Variants in ZNF385D observed in about 807,000 individuals in gnomAD.
ZNF385D encodes zinc finger protein 385D.
Under a neutral mutation model 35.8 loss-of-function variants are expected in ZNF385D, and 15 were observed. The observed-to-expected ratio is 0.42, with a 90% confidence interval of 0.28 to 0.64. The LOEUF (loss-of-function observed/expected upper bound fraction) is 0.64. ZNF385D is among the 30% of genes least tolerant of loss of function. ZNF385D has a pLI of 0.23. For synonymous variants in ZNF385D, 212 were observed against 186.8 expected (o/e 1.13, Z -1.10); for missense variants, 474 against 494.6 (o/e 0.96, Z 0.39).
At chr3:22,286,913 A>G (rs1702053984) in intron 2 of ZNF385D, among the ~76,000 whole-genome samples, 1 of 152,102 alleles carries the variant, frequency 6.6e-6, no homozygotes, top group Admixed American at 6.6e-5. Flanking sequence ...GTGTAGTCCA[A>G]GTTCAGTGTT....
chr3:21,545,257 A>C (rs186364608), intron 3 of ZNF385D, among the ~76,000 whole-genome samples: 89 of 152,320 alleles, frequency 5.8e-4, no homozygotes, highest in African/African-American at 2.1e-3. Context: ...GTGCTCTCAA[A>C]TACAGACTTG....
rs181920543 is a variant in ZNF385D, at chr3:22,300,908, C to T, written c.106+71542G>A. Among the ~76,000 whole-genome samples the T allele has an allele frequency of 1.2e-4, 18 of 152,048 alleles. 1 individual carries two copies. The highest frequency in any genetic ancestry group is 3.4e-3 in the Middle Eastern group (1 of 292). Reference sequence around the variant, plus strand: ...CTCAAAAAATTAAACATAGAACTACCATATGCTCCTCCAATACTACTACTG... The same window carrying T: ...CTCAAAAAATTAAACATAGAACTACTATATGCTCCTCCAATACTACTACTG... On this transcript the variant is annotated intron_variant, in intron 2 of 5. Coordinates refer to the ZNF385D transcript ENST00000494108.
chr3:22,114,643 T>C (rs985061824), intron 3 of ZNF385D, among the ~76,000 whole-genome samples: 3 of 152,092 alleles, frequency 2.0e-5, no homozygotes, highest in African/African-American at 4.8e-5. Context: ...AGACAATTTG[T>C]GTGGATTATA....
chr3:21,478,949 A>G (rs995303407), intron 4 of ZNF385D, among the ~76,000 whole-genome samples: 1 of 152,046 alleles, frequency 6.6e-6, no homozygotes, highest in African/African-American at 2.4e-5. Flanking sequence ...GTCTTTCAAA[A>G]TGTACATAAT....
rs944091408 is a variant in ZNF385D at position 21,443,230 on chromosome 3, G to C, written c.440-6027C>G. ...AGTTCTGGCTTTGGGCACTGCTTCC[G>C]CTCTGTTCTTACAAATCTGCTTCAC... is the stretch of plus-strand genomic sequence containing the variant. On this transcript the variant is annotated intron_variant, in intron 4 of 7. Transcript: ENST00000281523. 4 of 985,202 alleles carry C rather than the reference G, an allele frequency of 4.1e-6. No individual in the cohort carries two copies. In the African/African-American group the frequency reaches 7.0e-5, roughly 17 times the overall value. 61.0% of individuals were successfully genotyped at this position (985,202 alleles called of 1,614,324 possible).
chr3:21,932,116 G>C (rs1284450094), intron 3 of ZNF385D, among the ~76,000 whole-genome samples: 2 of 133,840 alleles, frequency 1.5e-5, no homozygotes, highest in Admixed American at 8.1e-5. Context: ...GCAGTGAGCC[G>C]AGATAGCGCC....
chr3:21,801,247 G>C (rs1015889433), intron 3 of ZNF385D, among the ~76,000 whole-genome samples: 1 of 152,020 alleles, frequency 6.6e-6, no homozygotes, highest in Non-Finnish European at 1.5e-5. Context: ...GAGGATTTTT[G>C]TGTGTGTCAG....
intron 2 of ZNF385D, among the ~76,000 whole-genome samples, chr3:22,245,473 T>C (rs987458188): frequency 5.3e-5 from 4 of 75,740 alleles, no homozygotes; most frequent in African/African-American, 7.3e-5. Context: ...AAAGACAGGA[T>C]AAGCCAAAAA....
At chr3:21,810,827 A>C (rs2072886301) in intron 3 of ZNF385D, among the ~76,000 whole-genome samples, 1 of 152,006 alleles carries the variant, frequency 6.6e-6, no homozygotes, top group African/African-American at 2.4e-5. Context: ...TAGGACTTTG[A>C]GTATACATTC....
intron 3 of ZNF385D, among the ~76,000 whole-genome samples, chr3:21,528,161 A>G (rs1708338517): frequency 6.6e-6 from 1 of 152,188 alleles, no homozygotes; most frequent in South Asian, 2.1e-4. Flanking sequence ...GATATTCTTC[A>G]GCTTGAAAAA....
chr3:22,190,724 A>G (rs1045550660), intron 2 of ZNF385D, among the ~76,000 whole-genome samples: 10 of 152,148 alleles, frequency 6.6e-5, no homozygotes, highest in African/African-American at 2.4e-4. Context: ...TGAAGGTGCA[A>G]TCCTTGAAAC....
At chr3:22,235,378 G>T (rs1348905757) in intron 2 of ZNF385D, among the ~76,000 whole-genome samples, 4 of 152,122 alleles carry the variant, frequency 2.6e-5, no homozygotes, top group Non-Finnish European at 5.9e-5. Context: ...AAGTAAGGCT[G>T]ATTGCAGGGA....
chr3:22,028,245 A>C (rs987149237), intron 3 of ZNF385D, among the ~76,000 whole-genome samples: 10 of 152,180 alleles, frequency 6.6e-5, no homozygotes, highest in Non-Finnish European at 1.3e-4. Flanking sequence ...ACCTCAGCAG[A>C]AGAGAATTTT....
chr3:22,360,814 G>C (rs1696375657), intron 2 of ZNF385D, among the ~76,000 whole-genome samples: 1 of 151,980 alleles, frequency 6.6e-6, no homozygotes, highest in Non-Finnish European at 1.5e-5. Flanking sequence ...GGGAATTTAT[G>C]AAACAGAAAT....
At chr3:22,233,461 G>T (rs1436713255) in intron 2 of ZNF385D, among the ~76,000 whole-genome samples, 1 of 152,196 alleles carries the variant, frequency 6.6e-6, no homozygotes, top group Non-Finnish European at 1.5e-5. Flanking sequence ...ATGACTTTCT[G>T]AAATAATGTA....
At chr3:21,876,276 T>C (rs1191292436) in intron 3 of ZNF385D, among the ~76,000 whole-genome samples, 1 of 151,790 alleles carries the variant, frequency 6.6e-6, no homozygotes, top group Non-Finnish European at 1.5e-5. Context: ...GTGTTTTTTT[T>C]TTCTGTCCTA....
intron 2 of ZNF385D, among the ~76,000 whole-genome samples, chr3:22,329,292 G>A (rs1286046505): frequency 6.6e-6 from 1 of 151,776 alleles, no homozygotes; most frequent in Non-Finnish European, 1.5e-5. Flanking sequence ...TAACAATTTG[G>A]TTTGGTACAA....
At chr3:22,175,756 T>C (rs1694784496) in intron 2 of ZNF385D, among the ~76,000 whole-genome samples, 1 of 151,500 alleles carries the variant, frequency 6.6e-6, no homozygotes, top group African/African-American at 2.4e-5. Flanking sequence ...GTATAAATTA[T>C]ACATATGCAT....
At chr3:22,365,537 C>T (rs1696618267) in intron 2 of ZNF385D, among the ~76,000 whole-genome samples, 1 of 151,952 alleles carries the variant, frequency 6.6e-6, no homozygotes, top group Non-Finnish European at 1.5e-5. Flanking sequence ...TTCAATCTTT[C>T]ACAAACATAC....
Sources: allele counts gnomAD v4.1 joint callset (sites outside exome capture counted in the v4.1 genomes callset), GRCh38; gene constraint gnomAD v4.1.1; transcripts MANE v1.5; gene names NCBI Gene and HGNC (gene_info 2026-07-23, HGNC 2026-07-21).